Variants in NEB observed in about 807,000 individuals in gnomAD.
The protein encoded by NEB is nemaline myopathy type 2.
In NEB, 512 loss-of-function variants were observed where a neutral mutation model predicts 952.2. The ratio of observed to expected loss-of-function variants is 0.54; its 90% CI spans 0.50 to 0.58. The LOEUF is 0.58. Among genes scored for constraint, NEB ranks in the 20% least tolerant of loss-of-function variants. NEB has a pLI of 0.00. For synonymous variants in NEB, 2,900 were observed against 3,149.8 expected (o/e 0.92, Z 2.66); for missense variants, 8,428 against 9,231.1 (o/e 0.91, Z 3.56).
chr2:151,575,286 CTT>C (rs1400186825), intron 107 of NEB, among the ~76,000 whole-genome samples: 3 of 152,068 alleles, frequency 2.0e-5, no homozygotes, highest in Non-Finnish European at 4.4e-5. Flanking sequence ...ATTTTGGTCA[CTT>C]ATGATTTTCT....
intron 107 of NEB, among the ~76,000 whole-genome samples, chr2:151,571,800 A>G (rs1240641796): frequency 6.6e-6 from 1 of 152,264 alleles, no homozygotes; most frequent in African/African-American, 2.4e-5. Context: ...TTCACAAATC[A>G]TACCTATCAG....
At position 151,659,048 on chromosome 2, in the gene NEB, G is replaced by T. The variant is rs370264178; in HGVS notation, c.6075+17C>A. The T allele has an allele frequency of 1.3e-6, 2 of 1,497,322 alleles. No individual in the cohort carries two copies. Among genetic ancestry groups the T allele is most frequent in the Non-Finnish European group, 1.9e-6 (2 of 1,073,850 alleles). 92.8% of individuals were successfully genotyped at this position (1,497,322 alleles called of 1,614,324 possible). A position where few individuals can be genotyped will look rare whatever the true frequency, so the allele number is the denominator to read the frequency against. ...TCTGCTGGAGAGAAAGATGACAACA[G>T]GGGGAACTATACTTACATCACTCAT... is the stretch of plus-strand genomic sequence containing the variant. On this transcript the variant is annotated intron_variant, in intron 47 of 181. Transcript: ENST00000397345.
chr2:151,719,734 C>A (rs943964535), intron 9 of NEB, among the ~76,000 whole-genome samples: 1 of 151,920 alleles, frequency 6.6e-6, no homozygotes, highest in African/African-American at 2.4e-5. Flanking sequence ...CAAAAATTAG[C>A]CGGGTGTGGT....
chr2:151,695,750 C>A, intron 17 of NEB, 68 bp from the exon 18 acceptor site: 2 of 1,230,890 alleles, frequency 1.6e-6, no homozygotes, highest in African/African-American at 1.5e-5. Context: ...TTGTGTGGTA[C>A]ATTTTGTAAA....
Position 151,627,740 on chromosome 2 carries a change from A to T in NEB, c.9926T>A (p.Val3309Glu). 1 of 1,613,928 alleles carries T rather than the reference A, an allele frequency of 6.2e-7. No individual in the cohort carries two copies. Among genetic ancestry groups the T allele is most frequent in the South Asian group, 1.1e-5 (1 of 91,082 alleles). The change falls in exon 69 of 182, where the codon GTG becomes GAG. Residue 3309 changes from valine (V) to glutamate (E), a missense_variant. Val to Glu is a moderately radical substitution (Grantham distance 121). Coordinates refer to ENST00000397345, the MANE Select transcript of NEB (RefSeq NM_001164508.2). ...DDPKMMWSMHVAKIQSDREYK... is the reference protein window; with the variant it reads ...DDPKMMWSMHEAKIQSDREYK... ...CTCCCTGTCACTCTGGATCTTGGCCACATGCATGGACCACATCATCTTGGG... is the reference window on the plus strand; with the variant it reads ...CTCCCTGTCACTCTGGATCTTGGCCTCATGCATGGACCACATCATCTTGGG...
Position 151,537,671 on chromosome 2 carries a change from G to T in NEB, c.21102+201C>A, listed in dbSNP as rs912962033. On this transcript the variant is annotated intron_variant, in intron 140 of 181. Coordinates refer to ENST00000397345, the MANE Select transcript of NEB (RefSeq NM_001164508.2). ...GATATCATACATTTAGGAGAAAAAT[G>T]AGGTTTATAAATTTGAATATATATT... Among the ~76,000 whole-genome samples the T allele has an allele frequency of 1.6e-4, 25 of 152,188 alleles. 1 individual carries two copies. Among genetic ancestry groups the T allele is most frequent in the Admixed American group, 1.4e-3 (21 of 15,258 alleles).
chr2:151,500,493 C>T (rs902950462), intron 168 of NEB, among the ~76,000 whole-genome samples: 1 of 150,592 alleles, frequency 6.6e-6, no homozygotes, highest in African/African-American at 2.4e-5. Flanking sequence ...AATATAAGCT[C>T]ATGATCTGAT....
intron 52 of NEB, 79 bp from the exon 53 acceptor site, chr2:151,650,964 TTTC>T: frequency 7.3e-7 from 1 of 1,372,474 alleles, no homozygotes; most frequent in Non-Finnish European, 9.9e-7. Context: ...CTTTTCTTTC[TTTC>T]TTTTTTTTGA....
chr2:151,672,595 T>A lies in NEB; in HGVS notation c.4073A>T (p.Tyr1358Phe). The part of the protein sequence containing the change: ...SLQDDPKLVH[Y>F]MNVAKLQSDR... ...AGACTGCAGCTTTGCCACATTCATA[T>A]AGTGGACCAGCTTGGGATCATCCTG... Residue 1358 changes from tyrosine to phenylalanine, a missense_variant, in exon 37 of 182, where the codon TAT (tyrosine) becomes TTT (phenylalanine). Physicochemically the swap from Tyr to Phe is conservative, Grantham distance 22. Transcript: ENST00000397345. 6.2e-7 allele frequency: 1 copy of A among 1,614,004 alleles called. No individual in the cohort carries two copies. The highest frequency in any genetic ancestry group is 2.2e-5 in the East Asian group (1 of 44,888).
intron 60 of NEB, among the ~76,000 whole-genome samples, chr2:151,641,040 T>C (rs919394244): frequency 2.6e-5 from 4 of 152,242 alleles, no homozygotes; most frequent in Non-Finnish European, 5.9e-5. Flanking sequence ...TGCTCAATGA[T>C]CCAAAATTTC....
intron 154 of NEB, 96 bp from the exon 155 acceptor site, chr2:151,519,165 C>T: frequency 1.2e-6 from 1 of 813,970 alleles, no homozygotes; most frequent in Non-Finnish European, 2.1e-6. Context: ...CAAACAAATG[C>T]TGGAGATGGT....
At chr2:151,664,903 C>T (rs1475998092) in intron 42 of NEB, 40 bp from the exon 43 acceptor site, 4 of 1,430,728 alleles carry the variant, frequency 2.8e-6, no homozygotes, top group East Asian at 2.3e-5. Context: ...TACAGCAGGA[C>T]AAGTTTGACC....
At position 151,697,191 on chromosome 2, in the gene NEB, G is replaced by T; in HGVS notation, c.1427C>A (p.Thr476Asn). Residue 476 changes from threonine to asparagine, a missense_variant, in exon 16 of 182, where the codon ACT becomes AAT. Physicochemically the swap from Thr to Asn is moderately conservative, Grantham distance 65. Coordinates refer to ENST00000397345, the MANE Select transcript of NEB (RefSeq NM_001164508.2). ...RGKGFFPQTI[T>N]QEYEAIKKLD... Reference sequence around the variant, plus strand: ...TTTCTTAATTGCTTCATATTCTTGAGTTATGGTCTGAGGGAAGAAGCCTTT... The same window carrying T: ...TTTCTTAATTGCTTCATATTCTTGATTTATGGTCTGAGGGAAGAAGCCTTT... 6.2e-7 allele frequency: 1 copy of T among 1,613,674 alleles called. No homozygotes were observed. Among genetic ancestry groups the T allele is most frequent in the Non-Finnish European group, 8.5e-7 (1 of 1,179,846 alleles).
chr2:151,626,948 G>T lies in NEB; in HGVS notation c.10347+54C>A, dbSNP rs1322833804. On this transcript the variant is annotated intron_variant, in intron 70 of 181. Coordinates refer to ENST00000397345, the MANE Select transcript of NEB (RefSeq NM_001164508.2). ...AAGAGACTAACTTAATTAACAATAG[G>T]TATCTTGAATGACATATAGCCCTGT... The T allele has an allele frequency of 5.1e-6, 8 of 1,575,556 alleles. No homozygotes were observed. The Admixed American group carries it at 6.7e-5, about 13-fold the overall frequency.
At chr2:151,527,628 C>G (rs2087159661) in intron 146 of NEB, 43 bp from the exon 147 acceptor site, 3 of 1,439,498 alleles carry the variant, frequency 2.1e-6, no homozygotes, top group Non-Finnish European at 2.9e-6. Flanking sequence ...ATTCAGTAGG[C>G]TAAATTCATA....
chr2:151,537,449 T>C (rs544340668), intron 140 of NEB, among the ~76,000 whole-genome samples: 1 of 152,364 alleles, frequency 6.6e-6, no homozygotes, highest in South Asian at 2.1e-4. Flanking sequence ...TTAATACTAA[T>C]TAAAGCAATT....
intron 43 of NEB, 60 bp downstream of exon 43, chr2:151,664,699 A>G (rs2099189451): frequency 3.9e-6 from 6 of 1,528,634 alleles, no homozygotes; most frequent in Non-Finnish European, 5.4e-6. Flanking sequence ...TAGAATGCAG[A>G]CATAAGTATC....
Position 151,695,486 on chromosome 2 carries a change from A to T in NEB, c.1674+92T>A, listed in dbSNP as rs1017616782. 8.0e-5 allele frequency: 70 copies of T among 871,984 alleles called. 1 individual carries two copies. The South Asian group carries it at 1.1e-3, about 14-fold the overall frequency. 54.0% of individuals were successfully genotyped at this position (871,984 alleles called of 1,614,324 possible). A position where few individuals can be genotyped will look rare whatever the true frequency, so the allele number is the denominator to read the frequency against. On this transcript the variant is annotated intron_variant, in intron 18 of 181. Transcript: ENST00000397345. ...GTTAACAGTTCTTCTCATTTTTAAC[A>T]TTAATCTATTCATTGAATTGCAACA... is the stretch of plus-strand genomic sequence containing the variant.
At chr2:151,630,637 G>T in intron 67 of NEB, 78 bp downstream of exon 67, 2 of 1,158,082 alleles carry the variant, frequency 1.7e-6, no homozygotes, top group Non-Finnish European at 2.5e-6. Context: ...CACCATGACA[G>T]CTGAGGCCCA....
Sources: gnomAD v4.1 joint callset for allele counts (sites outside exome capture counted in the v4.1 genomes callset) on GRCh38, gnomAD v4.1.1 for gene constraint, MANE v1.5 for transcripts, NCBI Gene and HGNC (gene_info 2026-07-23, HGNC 2026-07-21) for gene names.